The following RAB33B variants were observed in gnomAD, a reference collection of about 807,000 sequenced individuals.
The protein encoded by RAB33B is ras-related protein Rab-33B.
A neutral mutation model predicts 15.0 loss-of-function variants in RAB33B; 6 were observed. The ratio of observed to expected loss-of-function variants is 0.40; its 90% CI spans 0.22 to 0.79. The LOEUF (loss-of-function observed/expected upper bound fraction) is 0.79, where lower values mean the gene tolerates loss of function less well. Ranked by LOEUF, RAB33B falls within the 30% of genes least tolerant of loss-of-function variation. The probability of loss-of-function intolerance (pLI) is 0.37; values close to 1 mark genes in which losing one functional copy is unlikely to be tolerated. For missense variants in RAB33B, 257 were observed against 296.4 expected, an observed-to-expected ratio of 0.87 and a Z score of 0.98; for synonymous variants, 117 against 108.3, an observed-to-expected ratio of 1.08 and a Z score of -0.50.
upstream of RAB33B, chr4:139,450,242 T>C (rs774362155): frequency 6.6e-6 from 1 of 152,226 alleles, no homozygotes; most frequent in Non-Finnish European, 1.5e-5. Flanking sequence ...AGCTAACCTA[T>C]ACAAGGATAC....
Position 139,473,068 on chromosome 4 carries a change from C to T in RAB33B, c.632C>T (p.Pro211Leu), listed in dbSNP as rs1408459156. The T allele has an allele frequency of 6.2e-7, 1 of 1,613,806 alleles. No homozygotes were observed. The highest frequency in any genetic ancestry group is 1.7e-5 in the Admixed American group (1 of 59,982). ...SHKPLMLSQP[P>L]DNGIILKPEP... Reference sequence around the variant, plus strand: ...AAACCATTAATGCTTAGTCAGCCCCCTGATAATGGAATTATCCTGAAGCCT... The same window carrying T: ...AAACCATTAATGCTTAGTCAGCCCCTTGATAATGGAATTATCCTGAAGCCT... The change falls in exon 2 of 2, where the codon CCT becomes CTT. Residue 211 changes from proline (P) to leucine (L), a missense_variant. Transcript: ENST00000305626.
chr4:139,438,739 A>G, the RAB33B span, among the ~76,000 whole-genome samples: 2 of 152,202 alleles, frequency 1.3e-5, no homozygotes, highest in African/African-American at 4.8e-5. Flanking sequence ...TTGTTAATGT[A>G]TTGGTCTCAA....
Position 139,454,455 on chromosome 4 carries a change from G to T in RAB33B, c.249+11G>T, listed in dbSNP as rs769703005. ...GGGGAGCGCATCAAGGTGAGCGGAT[G>T]GGGAACTGTTGGGGAGGACAGGGTG... On this transcript the variant is annotated intron_variant, in intron 1 of 1. Transcript: ENST00000305626. 1.9e-6 allele frequency: 3 copies of T among 1,604,678 alleles called. No individual in the cohort carries two copies. The highest frequency in any genetic ancestry group is 2.5e-6 in the Non-Finnish European group (3 of 1,179,598).
chr4:139,440,834 C>A, the RAB33B span, among the ~76,000 whole-genome samples: 2 of 152,224 alleles, frequency 1.3e-5, no homozygotes, highest in East Asian at 3.8e-4. Context: ...TGGTCTTGAA[C>A]TCCTGACCTC....
chr4:139,458,873 G>A (rs1257353015), intron 1 of RAB33B, among the ~76,000 whole-genome samples: 1 of 152,136 alleles, frequency 6.6e-6, no homozygotes, highest in African/African-American at 2.4e-5. Context: ...ACTCCCACCA[G>A]CAGTGTATAA....
the RAB33B span, among the ~76,000 whole-genome samples, chr4:139,440,435 C>T: frequency 7.9e-5 from 12 of 152,294 alleles, no homozygotes; most frequent in Non-Finnish European, 1.5e-4. Context: ...TCTGTGATCA[C>T]GAGTGGCAGT....
At chr4:139,443,306 T>C in the RAB33B span, among the ~76,000 whole-genome samples, 1 of 152,218 alleles carries the variant, frequency 6.6e-6, no homozygotes, top group African/African-American at 2.4e-5. Context: ...ATGAACTTTT[T>C]AGAGAGTTAT....
At chr4:139,439,664 G>C in the RAB33B span, among the ~76,000 whole-genome samples, 2 of 152,222 alleles carry the variant, frequency 1.3e-5, no homozygotes, top group Admixed American at 1.3e-4. Context: ...TGTGTATGCT[G>C]ATCTGGTTGA....
Position 139,457,732 on chromosome 4 carries a change from A to G in RAB33B, c.249+3288A>G, listed in dbSNP as rs555155592. ...AAAATGGTCTTTTGCCTGTTTTTAC[A>G]TGGCCACAATCTAAGAATGATTTTT... is the stretch of plus-strand genomic sequence containing the variant. On this transcript the variant is annotated intron_variant, in intron 1 of 1. Transcript: ENST00000305626. 1.1e-3 allele frequency among the ~76,000 whole-genome samples: 166 copies of G among 152,328 alleles called. 1 individual carries two copies. The highest frequency in any genetic ancestry group is 2.0e-3 in the Non-Finnish European group (135 of 68,028).
intron 1 of RAB33B, among the ~76,000 whole-genome samples, chr4:139,458,397 G>T (rs763045935): frequency 2.9e-4 from 44 of 152,136 alleles, no homozygotes; most frequent in Admixed American, 1.4e-3. Context: ...CACATATTTT[G>T]TCACCCACAT....
Position 139,474,779 on chromosome 4 carries a change from T to C in RAB33B, c.*1653T>C, listed in dbSNP as rs1447611500. 1.3e-5 allele frequency: 2 copies of C among 152,640 alleles called. No individual in the cohort carries two copies. Among genetic ancestry groups the C allele is most frequent in the African/African-American group, 2.4e-5 (1 of 41,476 alleles). The allele number at this position is 152,640 out of a possible 1,614,324, so 9.5% of individuals were successfully genotyped here. A position where few individuals can be genotyped will look rare whatever the true frequency, so the allele number is the denominator to read the frequency against. On this transcript the variant is annotated 3_prime_UTR_variant, in exon 2 of 2. Coordinates refer to ENST00000305626, the MANE Select transcript of RAB33B (RefSeq NM_031296.3). Reference sequence around the variant, plus strand: ...AAGCTTACATATTAAACTATTTACGTAAATGGAATGTAAGCCATGACTTTA... The same window carrying C: ...AAGCTTACATATTAAACTATTTACGCAAATGGAATGTAAGCCATGACTTTA...
At chr4:139,457,719 T>C (rs1750093781) in intron 1 of RAB33B, among the ~76,000 whole-genome samples, 1 of 152,244 alleles carries the variant, frequency 6.6e-6, no homozygotes. Flanking sequence ...AATGGTCTTT[T>C]GCCTGTTTTT....
the RAB33B span, among the ~76,000 whole-genome samples, chr4:139,447,232 A>G: frequency 6.6e-6 from 1 of 152,116 alleles, no homozygotes; most frequent in Non-Finnish European, 1.5e-5. Context: ...TGGCCTTTTG[A>G]AGTCACAATT....
At chr4:139,466,222 G>A (rs192283512) in intron 1 of RAB33B, among the ~76,000 whole-genome samples, 177 of 152,238 alleles carry the variant, frequency 1.2e-3, no homozygotes, top group African/African-American at 4.0e-3. Context: ...TAAATTCTGC[G>A]TAATCATCTT....
At position 139,473,350 on chromosome 4, in the gene RAB33B, G is replaced by T; in HGVS notation, c.*224G>T. 1 of 521,026 alleles carries T rather than the reference G, an allele frequency of 1.9e-6. No homozygotes were observed. 32.3% of individuals were successfully genotyped at this position (521,026 alleles called of 1,614,324 possible). On this transcript the variant is annotated 3_prime_UTR_variant, in exon 2 of 2. Coordinates refer to ENST00000305626, the MANE Select transcript of RAB33B (RefSeq NM_031296.3). ...ATTGAAAATGAAGCAAAGATAGGAT[G>T]AATCTGAACATCTCTCCATCTAGAG...
chr4:139,455,074 C>T (rs1750039355), intron 1 of RAB33B, among the ~76,000 whole-genome samples: 2 of 152,308 alleles, frequency 1.3e-5, no homozygotes, highest in South Asian at 2.1e-4. Context: ...CATGATGCCA[C>T]CTCAGACACA....
At position 139,455,481 on chromosome 4, in the gene RAB33B, G is replaced by A. The variant is rs74419035; in HGVS notation, c.249+1037G>A. Among the ~76,000 whole-genome samples the A allele has an allele frequency of 8.2e-3, 1,247 of 152,234 alleles. 19 individuals carry two copies. The highest frequency in any genetic ancestry group is 0.028 in the African/African-American group (1,172 of 41,536). On this transcript the variant is annotated intron_variant, in intron 1 of 1. Coordinates refer to ENST00000305626, the MANE Select transcript of RAB33B (RefSeq NM_031296.3). ...AGAGGCAAGAACAATTTATTTTTCAGTTCCCTAATCATCGCCCCCCACCCC... is the reference window on the plus strand; with the variant it reads ...AGAGGCAAGAACAATTTATTTTTCAATTCCCTAATCATCGCCCCCCACCCC...
At chr4:139,451,687 A>AT (rs1749929248), upstream of RAB33B, 1 of 152,136 alleles carries the variant, frequency 6.6e-6, no homozygotes, top group Admixed American at 6.5e-5. Flanking sequence ...CTACTGTGTG[A>AT]TTTTAATATC....
intron 1 of RAB33B, among the ~76,000 whole-genome samples, chr4:139,456,131 G>GT (rs1467436584): frequency 6.6e-6 from 1 of 152,170 alleles, no homozygotes; most frequent in Non-Finnish European, 1.5e-5. Flanking sequence ...TTCATAGTTG[G>GT]TGCCTTTAAA....
Sources: gnomAD v4.1 joint callset for allele counts (sites outside exome capture counted in the v4.1 genomes callset) on GRCh38, gnomAD v4.1.1 for gene constraint, MANE v1.5 for transcripts, NCBI Gene and HGNC (gene_info 2026-07-23, HGNC 2026-07-21) for gene names.